KIAA1217: variants seen among roughly 807,000 people sequenced by gnomAD.
KIAA1217 encodes the protein KIAA1217.
KIAA1217 carries 88 observed loss-of-function variants against 163.9 expected under a neutral mutation model. The observed-to-expected ratio is 0.54, with a 90% confidence interval of 0.45 to 0.64. The LOEUF (loss-of-function observed/expected upper bound fraction) is 0.64, where lower values mean the gene tolerates loss of function less well. Ranked by LOEUF, KIAA1217 falls within the 30% of genes least tolerant of loss-of-function variation. The pLI, the probability that KIAA1217 is intolerant of heterozygous loss-of-function variation, is 0.00. For missense variants in KIAA1217, 2,372 were observed against 2,475.0 expected (o/e 0.96, Z 0.88); for synonymous variants, 903 against 923.1 (o/e 0.98, Z 0.39).
chr10:24,402,239 A>T (rs537121437), intron 3 of KIAA1217, among the ~76,000 whole-genome samples: 1 of 152,068 alleles, frequency 6.6e-6, no homozygotes, highest in African/African-American at 2.4e-5. Context: ...AGGCGCAGTG[A>T]CTCACGCCTG....
intron 2 of KIAA1217, among the ~76,000 whole-genome samples, chr10:24,115,123 A>T (rs1259736137): frequency 6.6e-6 from 1 of 152,178 alleles, no homozygotes; most frequent in East Asian, 1.9e-4. Context: ...TAGCCTGTGT[A>T]TACATTTGTG....
intron 2 of KIAA1217, among the ~76,000 whole-genome samples, chr10:24,300,812 C>T (rs963080456): frequency 6.6e-6 from 1 of 151,742 alleles, no homozygotes; most frequent in Admixed American, 6.6e-5. Flanking sequence ...AGTGAATTCG[C>T]CTGTTTGTTT....
At chr10:24,037,796 T>G (rs952600186) in intron 2 of KIAA1217, among the ~76,000 whole-genome samples, 1 of 152,266 alleles carries the variant, frequency 6.6e-6, no homozygotes, top group Non-Finnish European at 1.5e-5. Flanking sequence ...GCTACTTCCT[T>G]ATTTTTGGAC....
intron 14 of KIAA1217, among the ~76,000 whole-genome samples, chr10:24,530,256 TTCTA>T (rs1554935832): frequency 1.3e-5 from 2 of 152,220 alleles, no homozygotes; most frequent in Non-Finnish European, 2.9e-5. Context: ...TGGCTCTTGA[TTCTA>T]TCTGATTTTT....
At chr10:23,968,499 T>C (rs188820378) in intron 1 of KIAA1217, among the ~76,000 whole-genome samples, 202 of 152,330 alleles carry the variant, frequency 1.3e-3, no homozygotes, top group Non-Finnish European at 2.3e-3. Context: ...TCACACAGCA[T>C]ACTATTCATC....
intron 1 of KIAA1217, among the ~76,000 whole-genome samples, chr10:23,932,823 C>T (rs7083271): frequency 0.13 from 20,486 of 152,124 alleles, 3,240 homozygotes; most frequent in African/African-American, 0.38. Context: ...TTCTTTAGAG[C>T]ATCCTGGCCT....
chr10:23,842,606 T>C (rs1457975942), intron 1 of KIAA1217, among the ~76,000 whole-genome samples: 3 of 152,100 alleles, frequency 2.0e-5, no homozygotes, highest in African/African-American at 7.2e-5. Context: ...ACTGAACTAC[T>C]TCAAAACTCA....
At chr10:23,705,636 C>G (rs776652543) in intron 1 of KIAA1217, among the ~76,000 whole-genome samples, 1 of 152,086 alleles carries the variant, frequency 6.6e-6, no homozygotes, top group Non-Finnish European at 1.5e-5. Flanking sequence ...ATCTTGGATA[C>G]TGTAGCTTTG....
intron 1 of KIAA1217, among the ~76,000 whole-genome samples, chr10:23,829,829 A>G (rs1027472867): frequency 1.7e-4 from 26 of 152,214 alleles, no homozygotes; most frequent in African/African-American, 5.1e-4. Flanking sequence ...CAAAATATTT[A>G]TAGTGAAGAT....
chr10:24,336,741 G>A (rs751422019), intron 2 of KIAA1217, among the ~76,000 whole-genome samples: 1 of 152,188 alleles, frequency 6.6e-6, no homozygotes, highest in Non-Finnish European at 1.5e-5. Flanking sequence ...TGCCTGCTTA[G>A]AATATGGTTT....
chr10:23,792,500 A>ATTC (rs1413669195), intron 1 of KIAA1217, among the ~76,000 whole-genome samples: 1 of 150,958 alleles, frequency 6.6e-6, no homozygotes, highest in East Asian at 1.9e-4. Context: ...TATTATTATT[A>ATTC]TTATTTTTTG....
At chr10:23,939,132 C>T (rs11013802) in intron 1 of KIAA1217, among the ~76,000 whole-genome samples, 30,405 of 151,908 alleles carry the variant, frequency 0.2, 3,309 homozygotes, top group Middle Eastern at 0.27. Context: ...AGCCAACAAA[C>T]ACGTATAATG....
At chr10:23,763,244 C>A (rs1834350313) in intron 1 of KIAA1217, among the ~76,000 whole-genome samples, 2 of 152,170 alleles carry the variant, frequency 1.3e-5, no homozygotes, top group Non-Finnish European at 2.9e-5. Context: ...GCATTCTTCA[C>A]AGAATTAGAA....
intron 2 of KIAA1217, among the ~76,000 whole-genome samples, chr10:24,127,164 G>A (rs2063498568): frequency 6.6e-6 from 1 of 152,126 alleles, no homozygotes; most frequent in Non-Finnish European, 1.5e-5. Flanking sequence ...GCTAGCTTCT[G>A]TCCAAATGTA....
chr10:24,130,783 T>G (rs1417350878), intron 2 of KIAA1217, among the ~76,000 whole-genome samples: 1 of 152,202 alleles, frequency 6.6e-6, no homozygotes. Context: ...CAGTACCATA[T>G]AATTCGTCAC....
intron 2 of KIAA1217, among the ~76,000 whole-genome samples, chr10:24,027,494 T>C (rs1848008857): frequency 6.6e-6 from 1 of 152,186 alleles, no homozygotes; most frequent in African/African-American, 2.4e-5. Context: ...TGTTTCATCA[T>C]ATACCAACAA....
At chr10:23,745,950 C>A (rs915521349) in intron 1 of KIAA1217, among the ~76,000 whole-genome samples, 6 of 152,182 alleles carry the variant, frequency 3.9e-5, no homozygotes, top group African/African-American at 1.4e-4. Context: ...ATATTTTATG[C>A]CCTTTACAAA....
intron 1 of KIAA1217, among the ~76,000 whole-genome samples, chr10:23,993,174 G>A (rs1401202534): frequency 1.3e-5 from 2 of 151,188 alleles, no homozygotes; most frequent in Non-Finnish European, 2.9e-5. Flanking sequence ...TGGGATTACA[G>A]GCACCAGCCA....
At chr10:24,508,767 CAT>C (rs2068702571) in intron 9 of KIAA1217, among the ~76,000 whole-genome samples, 1 of 152,120 alleles carries the variant, frequency 6.6e-6, no homozygotes, top group Admixed American at 6.6e-5. Flanking sequence ...CTCAGAAAAA[CAT>C]ATTCTGAACA....
Sources: allele counts gnomAD v4.1 joint callset (sites outside exome capture counted in the v4.1 genomes callset), GRCh38; gene constraint gnomAD v4.1.1; transcripts MANE v1.5; gene names NCBI Gene and HGNC (gene_info 2026-07-23, HGNC 2026-07-21).